Variants in TCERG1L observed in about 807,000 individuals in gnomAD.
TCERG1L encodes transcription elongation regulator 1-like protein.
TCERG1L carries 37 observed loss-of-function variants against 56.3 expected under a neutral mutation model. The ratio of observed to expected loss-of-function variants is 0.66; its 90% confidence interval spans 0.51 to 0.87. TCERG1L has a LOEUF of 0.87. TCERG1L is among the 40% of genes least tolerant of loss of function. The pLI, the probability that TCERG1L is intolerant of heterozygous loss-of-function variation, is 0.00. For missense variants in TCERG1L, 799 were observed against 774.2 expected (o/e 1.03, Z -0.38); for synonymous variants, 324 against 326.3 (o/e 0.99, Z 0.08).
At chr10:131,165,400 A>G (rs1248346498) in intron 5 of TCERG1L, among the ~76,000 whole-genome samples, 1 of 152,234 alleles carries the variant, frequency 6.6e-6, no homozygotes, top group Non-Finnish European at 1.5e-5. Context: ...GGTATTTTAC[A>G]CATGATTTGT....
chr10:131,180,408 C>T (rs1172941983), intron 4 of TCERG1L, among the ~76,000 whole-genome samples: 1 of 152,204 alleles, frequency 6.6e-6, no homozygotes, highest in Non-Finnish European at 1.5e-5. Flanking sequence ...TTGCTAATGT[C>T]ATATACAACA....
At chr10:131,262,171 G>A (rs1846243025) in intron 3 of TCERG1L, among the ~76,000 whole-genome samples, 1 of 152,206 alleles carries the variant, frequency 6.6e-6, no homozygotes, top group African/African-American at 2.4e-5. Context: ...AGCGGAGCCT[G>A]CGGAGCAGTG....
chr10:131,143,967 G>A (rs570734545), intron 7 of TCERG1L, among the ~76,000 whole-genome samples: 23 of 152,144 alleles, frequency 1.5e-4, no homozygotes, highest in South Asian at 8.3e-4. Flanking sequence ...AATGACGAAC[G>A]TCTCAGCACT....
intron 3 of TCERG1L, among the ~76,000 whole-genome samples, chr10:131,266,839 T>C (rs1442200199): frequency 6.6e-6 from 1 of 151,994 alleles, no homozygotes; most frequent in Non-Finnish European, 1.5e-5. Flanking sequence ...TGATAACTCC[T>C]CTCTGCAGCT....
At chr10:131,124,435 TGTCCAGCATGGAATTA>T (rs1309258372) in intron 8 of TCERG1L, among the ~76,000 whole-genome samples, 2 of 152,256 alleles carry the variant, frequency 1.3e-5, no homozygotes, top group East Asian at 3.8e-4. Flanking sequence ...TTCTGGAATT[TGTCCAGCATGGAATTA>T]TTGCCACATT....
intron 3 of TCERG1L, among the ~76,000 whole-genome samples, chr10:131,302,592 C>T (rs1214812007): frequency 6.8e-6 from 1 of 146,286 alleles, no homozygotes; most frequent in African/African-American, 2.5e-5. Flanking sequence ...TCTTTTACTT[C>T]CAGGCCCTCC....
At chr10:131,192,667 C>T (rs999440126) in intron 4 of TCERG1L, among the ~76,000 whole-genome samples, 1 of 144,784 alleles carries the variant, frequency 6.9e-6, no homozygotes, top group African/African-American at 2.6e-5. Flanking sequence ...GAATACCACT[C>T]AGCCATGAAA....
At chr10:131,272,198 C>A (rs1307809331) in intron 3 of TCERG1L, among the ~76,000 whole-genome samples, 2 of 152,234 alleles carry the variant, frequency 1.3e-5, no homozygotes, top group Non-Finnish European at 2.9e-5. Flanking sequence ...CAGCTCCACA[C>A]ACAGCTTGCA....
intron 9 of TCERG1L, among the ~76,000 whole-genome samples, chr10:131,106,004 T>G (rs1297102033): frequency 6.6e-6 from 1 of 152,216 alleles, no homozygotes; most frequent in East Asian, 1.9e-4. Context: ...ACCTTTGCCC[T>G]TGAATCAGTC....
chr10:131,245,766 AG>A (rs1261297078), intron 4 of TCERG1L, among the ~76,000 whole-genome samples: 1 of 151,940 alleles, frequency 6.6e-6, no homozygotes, highest in Non-Finnish European at 1.5e-5. Context: ...AGTTGGCGGG[AG>A]GGGTGCAGTG....
chr10:131,265,195 G>A (rs1261831041), intron 3 of TCERG1L, among the ~76,000 whole-genome samples: 1 of 152,170 alleles, frequency 6.6e-6, no homozygotes, highest in Non-Finnish European at 1.5e-5. Flanking sequence ...ATATGGAAGT[G>A]AGAAAATGTG....
chr10:131,275,950 C>T (rs1267017161), intron 3 of TCERG1L, among the ~76,000 whole-genome samples: 1 of 152,134 alleles, frequency 6.6e-6, no homozygotes, highest in Non-Finnish European at 1.5e-5. Flanking sequence ...TTGCCTCCCC[C>T]AGACTCACTT....
At chr10:131,277,744 G>A (rs1308222138) in intron 3 of TCERG1L, among the ~76,000 whole-genome samples, 3 of 152,166 alleles carry the variant, frequency 2.0e-5, no homozygotes, top group Non-Finnish European at 2.9e-5. Flanking sequence ...AGGTCTCAGC[G>A]CAGATCTCAA....
rs1845293393 is a variant in TCERG1L at position 131,100,364 on chromosome 10, T to G, written c.1486-1940A>C. On this transcript the variant is annotated intron_variant, in intron 10 of 11. Coordinates refer to ENST00000368642, the MANE Select transcript of TCERG1L (RefSeq NM_174937.4). ...CCGTGGGGTCAGGGCTCTTCAGAAA[T>G]GCCTGCTTCTCTCTCTCTGCCTAGA... 2.6e-5 allele frequency among the ~76,000 whole-genome samples: 4 copies of G among 151,100 alleles called. No individual in the cohort carries two copies. The South Asian group carries it at 8.4e-4, about 32-fold the overall frequency.
intron 3 of TCERG1L, among the ~76,000 whole-genome samples, chr10:131,287,798 T>C (rs78562738): frequency 0.021 from 3,149 of 152,200 alleles, 80 homozygotes; most frequent in East Asian, 0.087. Flanking sequence ...TGCAATAATC[T>C]CACTTCACAG....
chr10:131,274,924 GAGATCTC>G (rs1441062949), intron 3 of TCERG1L, among the ~76,000 whole-genome samples: 4 of 152,186 alleles, frequency 2.6e-5, no homozygotes, highest in Non-Finnish European at 5.9e-5. Context: ...AGGCAGGCTC[GAGATCTC>G]AGAATGGAGC....
rs1846227630 is a variant in TCERG1L, at chr10:131,260,547, G to A, written c.671-103C>T. On this transcript the variant is annotated intron_variant, in intron 3 of 11. Coordinates refer to ENST00000368642, the MANE Select transcript of TCERG1L (RefSeq NM_174937.4). The surrounding 1 kb of genome is among the most constrained non-coding windows in gnomAD (Gnocchi z 5.8). ...AGATATCAGCCCCCAGAAAACAGGT[G>A]AGGGGGGCGCTACCCCTCTTTAATG... The A allele has an allele frequency of 7.8e-6, 10 of 1,280,092 alleles. No homozygotes were observed. The highest frequency in any genetic ancestry group is 9.9e-6 in the Non-Finnish European group (10 of 1,008,342). 79.3% of individuals were successfully genotyped at this position (1,280,092 alleles called of 1,614,324 possible). A position where few individuals can be genotyped will look rare whatever the true frequency, so the allele number is the denominator to read the frequency against.
At chr10:131,233,457 GACACAC>G (rs143588165) in intron 4 of TCERG1L, among the ~76,000 whole-genome samples, 4 of 149,986 alleles carry the variant, frequency 2.7e-5, no homozygotes, top group African/African-American at 9.8e-5. Context: ...CATGCACACA[GACACAC>G]ACACACACAC....
intron 8 of TCERG1L, among the ~76,000 whole-genome samples, chr10:131,130,510 G>A (rs936083754): frequency 3.3e-5 from 5 of 152,116 alleles, no homozygotes; most frequent in African/African-American, 9.7e-5. Flanking sequence ...TCCCCTCAGG[G>A]CCCACGCCCC....
Sources: allele counts gnomAD v4.1 joint callset (sites outside exome capture counted in the v4.1 genomes callset), GRCh38; gene constraint gnomAD v4.1.1; non-coding constraint Gnocchi (gnomAD v3.1); transcripts MANE v1.5; gene names NCBI Gene and HGNC (gene_info 2026-07-23, HGNC 2026-07-21).